TRPC5: variants seen among roughly 807,000 people sequenced by gnomAD.
TRPC5 encodes the protein transient receptor potential cation channel subfamily C member 5.
A neutral mutation model predicts 56.5 loss-of-function variants in TRPC5; 9 were observed. The observed-to-expected ratio is 0.16, with a 90% CI of 0.10 to 0.28. TRPC5 has a LOEUF of 0.28. TRPC5 is among the 10% of genes least tolerant of loss of function. The probability of loss-of-function intolerance (pLI) is 1.00; values close to 1 mark genes in which losing one functional copy is unlikely to be tolerated. For synonymous variants in TRPC5, 282 were observed against 278.5 expected, an observed-to-expected ratio of 1.01 and a Z score of -0.13; for missense variants, 469 against 748.9, an observed-to-expected ratio of 0.63 and a Z score of 4.36.
intron 1 of TRPC5, among the ~76,000 whole-genome samples, chrX:111,963,639 A>G (rs111534653): frequency 8.7e-4 from 97 of 111,328 alleles, no homozygotes; most frequent in African/African-American, 2.8e-3. Context: ...CCAGAGGAAC[A>G]ATCAGGCAGC....
At chrX:111,944,303 T>TGTGTGTGAGAAA (rs1173179815) in intron 2 of TRPC5, among the ~76,000 whole-genome samples, 21 of 61,393 alleles carry the variant, frequency 3.4e-4, no homozygotes, top group African/African-American at 2.1e-3. Flanking sequence ...TGTGTGTGTG[T>TGTGTGTGAGAAA]GAGAGAGAGA....
At chrX:111,795,628 T>C (rs552832893) in intron 7 of TRPC5, among the ~76,000 whole-genome samples, 11 of 112,017 alleles carry the variant, frequency 9.8e-5, no homozygotes, top group African/African-American at 3.6e-4. Context: ...ATAATACTTT[T>C]TCTCTTGCTG....
intron 7 of TRPC5, among the ~76,000 whole-genome samples, chrX:111,825,590 G>A (rs1274404120): frequency 9.0e-6 from 1 of 111,178 alleles, no homozygotes; most frequent in Admixed American, 9.7e-5. Flanking sequence ...GATTTAATGC[G>A]GGGATTGGTT....
intron 3 of TRPC5, among the ~76,000 whole-genome samples, chrX:111,880,812 T>G (rs1312647412): frequency 8.9e-6 from 1 of 112,558 alleles, no homozygotes; most frequent in Non-Finnish European, 1.9e-5. Context: ...CAAGAATGAC[T>G]ACCTATGCTC....
chrX:112,014,203 AT>A (rs754400624), intron 1 of TRPC5, among the ~76,000 whole-genome samples: 4 of 111,913 alleles, frequency 3.6e-5, no homozygotes, highest in Non-Finnish European at 7.5e-5. Flanking sequence ...AATGGGTGTA[AT>A]ACTTAACCTC....
At chrX:112,019,531 G>T (rs1424837774) in intron 1 of TRPC5, among the ~76,000 whole-genome samples, 2 of 110,662 alleles carry the variant, frequency 1.8e-5, no homozygotes, top group Non-Finnish European at 3.8e-5. Flanking sequence ...CGCCTCGCGG[G>T]TTCACGCCAT....
At chrX:111,779,985 A>G (rs1945907558) in intron 9 of TRPC5, among the ~76,000 whole-genome samples, 1 of 112,109 alleles carries the variant, frequency 8.9e-6, no homozygotes, top group African/African-American at 3.2e-5. Context: ...AAGTAATAAC[A>G]TTTGAAGGCG....
chrX:111,962,640 TAACA>T (rs1190230594), intron 1 of TRPC5, among the ~76,000 whole-genome samples: 1 of 112,482 alleles, frequency 8.9e-6, no homozygotes, highest in Non-Finnish European at 1.9e-5. Context: ...GAAATGACAC[TAACA>T]GATTTAGCAT....
chrX:111,996,965 G>C lies in TRPC5; in HGVS notation c.-21-44524C>G, dbSNP rs986858267. ...TTGGCTCTATGCAATTTGCCAGTCT[G>C]TGTCTTTTAATTGGGACATTTAGCC... On this transcript the variant is annotated intron_variant, in intron 1 of 10. Coordinates refer to ENST00000262839, the MANE Select transcript of TRPC5 (RefSeq NM_012471.3). Among the ~76,000 whole-genome samples the C allele has an allele frequency of 3.6e-5, 4 of 111,581 alleles. No individual in the cohort carries two copies. In the East Asian group the frequency reaches 1.1e-3, roughly 31 times the overall value.
intron 1 of TRPC5, among the ~76,000 whole-genome samples, chrX:112,047,910 G>T (rs1261094202): frequency 8.9e-6 from 1 of 112,093 alleles, no homozygotes; most frequent in Non-Finnish European, 1.9e-5. Context: ...AAATATACAT[G>T]AAAGTGTTCA....
At chrX:111,939,341 A>G (rs1289304066) in intron 2 of TRPC5, among the ~76,000 whole-genome samples, 2 of 111,040 alleles carry the variant, frequency 1.8e-5, no homozygotes, top group Non-Finnish European at 3.8e-5. Flanking sequence ...ATTCCTCAGG[A>G]ATATTGATTT....
chrX:111,808,551 C>G (rs972214971), intron 7 of TRPC5, among the ~76,000 whole-genome samples: 21 of 110,757 alleles, frequency 1.9e-4, no homozygotes, highest in African/African-American at 6.9e-4. Flanking sequence ...AGTGGTACCC[C>G]CTTTGGTGCA....
intron 1 of TRPC5, among the ~76,000 whole-genome samples, chrX:112,042,452 C>T (rs1319280069): frequency 9.0e-6 from 1 of 111,699 alleles, no homozygotes; most frequent in Non-Finnish European, 1.9e-5. Flanking sequence ...ATCCCATCTT[C>T]TGTGGTTTCT....
chrX:112,058,590 G>A (rs746408362), intron 1 of TRPC5, among the ~76,000 whole-genome samples: 2 of 111,621 alleles, frequency 1.8e-5, no homozygotes, highest in South Asian at 3.8e-4. Context: ...ATAAAAAGAA[G>A]CATCAATTAA....
intron 1 of TRPC5, among the ~76,000 whole-genome samples, chrX:112,048,399 C>CAAAAAAAAAAAAAAAAAA (rs58537492): frequency 9.3e-5 from 2 of 21,480 alleles, no homozygotes; most frequent in Non-Finnish European, 1.7e-4. Context: ...GACTCCGTAT[C>CAAAAAAAAAAAAAAAAAA]AAAAAAAAAA....
chrX:112,065,546 T>C (rs1930563545), intron 1 of TRPC5, among the ~76,000 whole-genome samples: 3 of 112,192 alleles, frequency 2.7e-5, no homozygotes, highest in Non-Finnish European at 3.8e-5. Context: ...TTGAGTATTA[T>C]GACATTTCCA....
At chrX:111,901,841 C>T in intron 3 of TRPC5, 1 of 1,109,480 alleles carries the variant, frequency 9.0e-7, no homozygotes, top group Non-Finnish European at 1.2e-6. Context: ...TTTAGAAGAG[C>T]ACTGCAGCAT....
intron 1 of TRPC5, among the ~76,000 whole-genome samples, chrX:112,012,400 CT>C (rs765167513): frequency 1.1e-4 from 12 of 108,285 alleles, no homozygotes; most frequent in Admixed American, 3.0e-4. Flanking sequence ...TTTTCTTTTT[CT>C]TTTTTTTGAT....
Position 111,824,229 on chromosome X carries a change from CAAAA to C in TRPC5, c.1896+10688_1896+10691del, listed in dbSNP as rs1173966332. Among the ~76,000 whole-genome samples the C allele has an allele frequency of 1.7e-3, 93 of 54,577 alleles. 1 individual carries two copies. Among genetic ancestry groups the C allele is most frequent in the African/African-American group, 4.1e-3 (82 of 19,772 alleles). 47.4% of individuals were successfully genotyped at this position (54,577 alleles called of 115,157 possible). On this transcript the variant is annotated intron_variant, in intron 7 of 10. Coordinates refer to ENST00000262839, the MANE Select transcript of TRPC5 (RefSeq NM_012471.3). ...TGGGTAACAGAGCAAGACCCTGTCTCAAAAAAAAAAAAAAAAAAAAATGTGTACC... is the reference window on the plus strand; with the variant it reads ...TGGGTAACAGAGCAAGACCCTGTCTCAAAAAAAAAAAAAAAAATGTGTACC...
Sources: allele counts gnomAD v4.1 joint callset (sites outside exome capture counted in the v4.1 genomes callset), GRCh38; gene constraint gnomAD v4.1.1; transcripts MANE v1.5; gene names NCBI Gene and HGNC (gene_info 2026-07-23, HGNC 2026-07-21).